The following ADAMTSL1 variants were observed in gnomAD, a reference collection of about 807,000 sequenced individuals.
The protein encoded by ADAMTSL1 is ADAMTS like 1.
ADAMTSL1 carries 126 observed loss-of-function variants against 201.8 expected under a neutral mutation model. That is an observed-to-expected ratio of 0.62 (90% CI 0.54 to 0.72). The LOEUF (loss-of-function observed/expected upper bound fraction) is 0.72, where lower values mean the gene tolerates loss of function less well. Ranked by LOEUF, ADAMTSL1 falls within the 30% of genes least tolerant of loss-of-function variation. The pLI is 0.00. For missense variants in ADAMTSL1, 2,679 were observed against 2,277.8 expected, an observed-to-expected ratio of 1.18 and a Z score of -3.59; for synonymous variants, 1,121 against 903.4, an observed-to-expected ratio of 1.24 and a Z score of -4.32.
chr9:18,661,330 A>G (rs1028038781), intron 8 of ADAMTSL1, among the ~76,000 whole-genome samples: 1 of 152,180 alleles, frequency 6.6e-6, no homozygotes, highest in Admixed American at 6.5e-5. Flanking sequence ...AGGTGTTTTT[A>G]CTAATTCTGC....
chr9:17,991,622 C>A (rs1000801578), intron 1 of ADAMTSL1, among the ~76,000 whole-genome samples: 21 of 152,144 alleles, frequency 1.4e-4, no homozygotes, highest in Admixed American at 1.1e-3. Context: ...CAATGTCCTA[C>A]TGCATTGCCT....
rs1403360100 is a variant in ADAMTSL1, at chr9:18,889,679, C to T, written c.4574C>T (p.Ala1525Val). The T allele has an allele frequency of 6.2e-7, 1 of 1,603,128 alleles. No homozygotes were observed. The highest frequency in any genetic ancestry group is 1.7e-5 in the Admixed American group (1 of 58,596). The change falls in exon 25 of 29, where the codon GCC becomes GTC. Residue 1525 changes from alanine (A) to valine (V), a missense_variant. By Grantham distance (64) the Ala-to-Val change is moderately conservative. Transcript: ENST00000380548. ...CLLNSTEVNP[A>V]HCAGKVRPAV... ...CTGAACAGCACGGAGGTCAACCCTG[C>T]CCACTGCGCAGGGAAGGTTCGCCCT...
intron 1 of ADAMTSL1, among the ~76,000 whole-genome samples, chr9:18,083,100 C>T (rs572360471): frequency 6.6e-6 from 1 of 152,252 alleles, no homozygotes; most frequent in Non-Finnish European, 1.5e-5. Flanking sequence ...GAACGTAAGA[C>T]TTGAGACAAA....
chr9:18,261,799 T>C (rs1256726843), intron 2 of ADAMTSL1, among the ~76,000 whole-genome samples: 1 of 152,194 alleles, frequency 6.6e-6, no homozygotes, highest in Non-Finnish European at 1.5e-5. Flanking sequence ...GCATATCATA[T>C]GTGTTTTCTG....
chr9:18,782,637 A>G (rs1821463716), intron 19 of ADAMTSL1, among the ~76,000 whole-genome samples: 1 of 152,254 alleles, frequency 6.6e-6, no homozygotes, highest in Non-Finnish European at 1.5e-5. Context: ...TAAGCAAGAA[A>G]AAGATCAGGT....
intron 13 of ADAMTSL1, among the ~76,000 whole-genome samples, chr9:18,688,689 A>AAAAAAAAATATAT (rs1554730404): frequency 2.3e-4 from 2 of 8,650 alleles, no homozygotes; most frequent in African/African-American, 7.5e-4. Flanking sequence ...AAAAAAAAAA[A>AAAAAAAAATATAT]ATATATATAT....
chr9:18,896,796 T>C (rs1829664595), intron 26 of ADAMTSL1, among the ~76,000 whole-genome samples: 1 of 152,138 alleles, frequency 6.6e-6, no homozygotes, highest in Non-Finnish European at 1.5e-5. Context: ...CTGTGCAGTC[T>C]CAGCAGAGCA....
intron 2 of ADAMTSL1, among the ~76,000 whole-genome samples, chr9:18,435,529 T>C (rs968232738): frequency 6.6e-6 from 1 of 152,182 alleles, no homozygotes; most frequent in Non-Finnish European, 1.5e-5. Context: ...GTAGGGGCTC[T>C]GATCGATTTG....
intron 23 of ADAMTSL1, among the ~76,000 whole-genome samples, chr9:18,835,976 C>T (rs117732755): frequency 0.043 from 6,468 of 152,150 alleles, 170 homozygotes; most frequent in South Asian, 0.099. Flanking sequence ...CACAAATGCA[C>T]GTGTCTTTTT....
In ADAMTSL1 at chr9:18,181,924, T is replaced by G. The variant is rs1229536625; in HGVS notation, c.207+17943T>G. Among the ~76,000 whole-genome samples, 4 of 152,134 alleles carry G rather than the reference T, an allele frequency of 2.6e-5. No homozygotes were observed. In the South Asian group the frequency reaches 6.2e-4, roughly 24 times the overall value. Reference sequence around the variant, plus strand: ...AAAGATAGACTGGATTAAGAAAATGTGGCACATATACACCATGGAATACTA... The same window carrying G: ...AAAGATAGACTGGATTAAGAAAATGGGGCACATATACACCATGGAATACTA... On this transcript the variant is annotated intron_variant, in intron 2 of 29. Coordinates refer to the ADAMTSL1 transcript ENST00000680146.
At chr9:18,314,100 G>A (rs1215467465) in intron 2 of ADAMTSL1, among the ~76,000 whole-genome samples, 1 of 152,104 alleles carries the variant, frequency 6.6e-6, no homozygotes. Flanking sequence ...TCTATAATCA[G>A]TAGGGAAGTG....
At chr9:18,075,038 C>T (rs1050924775) in intron 1 of ADAMTSL1, among the ~76,000 whole-genome samples, 3 of 152,082 alleles carry the variant, frequency 2.0e-5, no homozygotes, top group African/African-American at 7.2e-5. Context: ...CTGCTTCCCT[C>T]TTGCCCTCCC....
At chr9:18,346,619 G>T (rs1391254704) in intron 2 of ADAMTSL1, among the ~76,000 whole-genome samples, 1 of 152,156 alleles carries the variant, frequency 6.6e-6, no homozygotes, top group African/African-American at 2.4e-5. Flanking sequence ...AGAAAGTCCT[G>T]CTTGACTACA....
At chr9:18,800,971 G>C (rs1786724031) in intron 20 of ADAMTSL1, among the ~76,000 whole-genome samples, 1 of 140,454 alleles carries the variant, frequency 7.1e-6, no homozygotes, top group Non-Finnish European at 1.6e-5. Flanking sequence ...CTGACCCACT[G>C]ACATTGGCAA....
chr9:18,286,586 T>A (rs1833002912), intron 2 of ADAMTSL1, among the ~76,000 whole-genome samples: 1 of 54,700 alleles, frequency 1.8e-5, no homozygotes, highest in Non-Finnish European at 5.0e-5. Flanking sequence ...TCAGATATAA[T>A]CATTTTAATG....
At chr9:18,240,019 C>T (rs1005566144) in intron 2 of ADAMTSL1, among the ~76,000 whole-genome samples, 1 of 152,164 alleles carries the variant, frequency 6.6e-6, no homozygotes, top group Non-Finnish European at 1.5e-5. Flanking sequence ...TTCTTCCAAA[C>T]TACTATTGTT....
chr9:18,028,425 A>G (rs1277513702), intron 1 of ADAMTSL1, among the ~76,000 whole-genome samples: 3 of 152,118 alleles, frequency 2.0e-5, no homozygotes, highest in Non-Finnish European at 2.9e-5. Flanking sequence ...CTTTTCTTAG[A>G]GAATGCTGAA....
intron 1 of ADAMTSL1, among the ~76,000 whole-genome samples, chr9:18,144,070 G>A (rs1047930592): frequency 1.3e-5 from 2 of 152,178 alleles, no homozygotes; most frequent in Admixed American, 6.5e-5. Context: ...AACACATGAA[G>A]AATGGAACTC....
rs145852854 is a variant in ADAMTSL1 at position 18,207,391 on chromosome 9, G to A, written c.207+43410G>A. ...GCTCTCAAAAAACCCTAAGCCTTAG[G>A]TTCAGTAACTTGCCTAAAATCACCC... On this transcript the variant is annotated intron_variant, in intron 2 of 29. Coordinates refer to the ADAMTSL1 transcript ENST00000680146. 1.4e-4 allele frequency among the ~76,000 whole-genome samples: 22 copies of A among 152,206 alleles called. 2 individuals are homozygous for A. In the East Asian group the frequency reaches 4.1e-3, roughly 28 times the overall value.
Sources: gnomAD v4.1 joint callset for allele counts (sites outside exome capture counted in the v4.1 genomes callset) on GRCh38, gnomAD v4.1.1 for gene constraint, MANE v1.5 for transcripts, NCBI Gene and HGNC (gene_info 2026-07-23, HGNC 2026-07-21) for gene names.